PRKN: variants seen among roughly 807,000 people sequenced by gnomAD.
PRKN encodes parkin RBR E3 ubiquitin protein ligase.
Under a neutral mutation model 59.5 loss-of-function variants are expected in PRKN, and 56 were observed. That is an observed-to-expected ratio of 0.94 (90% CI 0.76 to 1.18). The LOEUF (loss-of-function observed/expected upper bound fraction) is 1.18. Ranked by LOEUF, PRKN falls within the 50% of genes most tolerant of loss-of-function variation. The pLI is 0.00. For missense variants in PRKN, 657 were observed against 596.4 expected, an observed-to-expected ratio of 1.10 and a Z score of -1.06; for synonymous variants, 250 against 222.1, an observed-to-expected ratio of 1.13 and a Z score of -1.12.
intron 3 of PRKN, among the ~76,000 whole-genome samples, chr6:162,257,887 C>CA: frequency 6.6e-6 from 1 of 152,212 alleles, no homozygotes; most frequent in East Asian, 1.9e-4. Context: ...GTTCAAAAGT[C>CA]AAATTTTCTC....
At chr6:162,708,826 G>T (rs973674753) in intron 1 of PRKN, among the ~76,000 whole-genome samples, 8 of 152,024 alleles carry the variant, frequency 5.3e-5, no homozygotes, top group African/African-American at 1.9e-4. Flanking sequence ...CCCCCAAGCC[G>T]CAGGCCATAG....
chr6:162,144,912 A>C (rs1781956881), intron 4 of PRKN, among the ~76,000 whole-genome samples: 1 of 152,180 alleles, frequency 6.6e-6, no homozygotes, highest in African/African-American at 2.4e-5. Flanking sequence ...GGCCTAGTAC[A>C]TTAAGGGATG....
intron 1 of PRKN, among the ~76,000 whole-genome samples, chr6:162,461,826 A>G (rs1162928744): frequency 9.0e-6 from 1 of 111,110 alleles, no homozygotes; most frequent in East Asian, 4.5e-4. Flanking sequence ...ACTTCGTCTA[A>G]AAAAAAAAAA....
chr6:161,946,414 A>ACACACACACACACACACACACACACTCT (rs1247187053), intron 6 of PRKN, among the ~76,000 whole-genome samples: 4 of 114,448 alleles, frequency 3.5e-5, no homozygotes, highest in Middle Eastern at 4.6e-3. Context: ...ACACACACAC[A>ACACACACACACACACACACACACACTCT]CTCTCTCTCT....
At chr6:162,486,906 C>A (rs544734472) in intron 1 of PRKN, among the ~76,000 whole-genome samples, 1 of 152,016 alleles carries the variant, frequency 6.6e-6, no homozygotes, top group African/African-American at 2.4e-5. Context: ...CCCATCTCTA[C>A]TAAAAACACA....
chr6:162,561,206 T>C (rs1370030285), intron 1 of PRKN, among the ~76,000 whole-genome samples: 1 of 152,192 alleles, frequency 6.6e-6, no homozygotes, highest in East Asian at 1.9e-4. Context: ...ATTAAGGGGC[T>C]TGGGCTTTAT....
At chr6:162,069,848 TA>T (rs1480570170) in intron 4 of PRKN, among the ~76,000 whole-genome samples, 1 of 152,232 alleles carries the variant, frequency 6.6e-6, no homozygotes. Context: ...CTGATTTTGA[TA>T]TTATATGAAT....
chr6:161,419,028 A>C lies in PRKN; in HGVS notation c.1084-32151T>G, dbSNP rs1787971646. ...TGAGGCAGTAAAGCGAGTCTCTGAA[A>C]ATACGTTGGATGTAAACACATCGTT... is the stretch of plus-strand genomic sequence containing the variant. On this transcript the variant is annotated intron_variant, in intron 9 of 11. Coordinates refer to ENST00000366898, the MANE Select transcript of PRKN (RefSeq NM_004562.3). This position sits in a 1 kb window ranked among gnomAD's most constrained non-coding sequence, Gnocchi z 4.1. Among the ~76,000 whole-genome samples the C allele has an allele frequency of 1.3e-5, 2 of 152,254 alleles. No homozygotes were observed. Among genetic ancestry groups the C allele is most frequent in the South Asian group, 2.1e-4 (1 of 4,836 alleles).
intron 4 of PRKN, among the ~76,000 whole-genome samples, chr6:162,146,128 T>G (rs1562540064): frequency 6.6e-6 from 1 of 152,184 alleles, no homozygotes; most frequent in Non-Finnish European, 1.5e-5. Context: ...TTAGGATCCC[T>G]GCCTCCAGAC....
chr6:161,890,594 T>C (rs1039272976), intron 6 of PRKN, among the ~76,000 whole-genome samples: 3 of 152,184 alleles, frequency 2.0e-5, no homozygotes, highest in African/African-American at 7.2e-5. Context: ...GGATGCTGTC[T>C]CAGATCTAAT....
Position 162,066,003 on chromosome 6 carries a change from C to T in PRKN, c.535-11829G>A, listed in dbSNP as rs186800851. ...CATTTGGGTTGGTTCCAAGTCTTTGCTATTGTGAATAGTGCTGTAATAAAC... is the reference window on the plus strand; with the variant it reads ...CATTTGGGTTGGTTCCAAGTCTTTGTTATTGTGAATAGTGCTGTAATAAAC... On this transcript the variant is annotated intron_variant, in intron 4 of 11. Transcript: ENST00000366898. Among the ~76,000 whole-genome samples, 177 of 152,232 alleles carry T rather than the reference C, an allele frequency of 1.2e-3. 1 individual carries two copies. The highest frequency in any genetic ancestry group is 3.9e-3 in the African/African-American group (163 of 41,534).
intron 4 of PRKN, among the ~76,000 whole-genome samples, chr6:162,153,771 T>A (rs1782378773): frequency 6.6e-6 from 1 of 152,050 alleles, no homozygotes; most frequent in South Asian, 2.1e-4. Flanking sequence ...CCAGGTTGCC[T>A]CTCTATGACA....
Position 161,446,387 on chromosome 6 carries a change from A to C in PRKN, c.1084-59510T>G, listed in dbSNP as rs12154057. ...AACTGGGAGATGCCAGCAGACACTGAGACCCAAAGGGGCCTGGCTTGGGAC... is the reference window on the plus strand; with the variant it reads ...AACTGGGAGATGCCAGCAGACACTGCGACCCAAAGGGGCCTGGCTTGGGAC... On this transcript the variant is annotated intron_variant, in intron 9 of 11. Coordinates refer to ENST00000366898, the MANE Select transcript of PRKN (RefSeq NM_004562.3). The surrounding 1 kb of genome is among the most constrained non-coding windows in gnomAD (Gnocchi z 6.2). Among the ~76,000 whole-genome samples, 62,878 of 151,808 alleles carry C rather than the reference A, an allele frequency of 0.41. 13,999 individuals are homozygous for C. The highest frequency in any genetic ancestry group is 0.57 in the African/African-American group (23,522 of 41,334).
chr6:162,317,763 C>G (rs1782813056), intron 2 of PRKN, among the ~76,000 whole-genome samples: 1 of 151,960 alleles, frequency 6.6e-6, no homozygotes, highest in Admixed American at 6.6e-5. Flanking sequence ...CGAGATACAT[C>G]CCATTCACCT....
chr6:162,185,222 C>T (rs1356843499), intron 4 of PRKN, among the ~76,000 whole-genome samples: 2 of 152,054 alleles, frequency 1.3e-5, no homozygotes, highest in Admixed American at 6.6e-5. Flanking sequence ...AAGTTCAATA[C>T]AATGCATAGC....
chr6:162,626,308 G>A (rs1407660312), intron 1 of PRKN, among the ~76,000 whole-genome samples: 2 of 152,158 alleles, frequency 1.3e-5, no homozygotes, highest in East Asian at 1.9e-4. Context: ...GGTAGAGAAT[G>A]ACTGTGCTAT....
intron 1 of PRKN, among the ~76,000 whole-genome samples, chr6:162,501,506 C>T (rs1291734721): frequency 1.6e-4 from 23 of 139,874 alleles, no homozygotes; most frequent in Non-Finnish European, 3.1e-5. Context: ...TGCCACCACG[C>T]CTGGTTAATT....
chr6:162,130,389 TAC>T (rs139079214), intron 4 of PRKN, among the ~76,000 whole-genome samples: 6 of 151,378 alleles, frequency 4.0e-5, no homozygotes, highest in African/African-American at 9.7e-5. Context: ...AACAACTGTA[TAC>T]ACACACACAC....
At chr6:161,978,610 A>G (rs1781142880) in intron 5 of PRKN, among the ~76,000 whole-genome samples, 1 of 152,242 alleles carries the variant, frequency 6.6e-6, no homozygotes, top group Non-Finnish European at 1.5e-5. Context: ...CAGTTTAAAA[A>G]ATTAAAAAAG....
Sources: gnomAD v4.1 joint callset for allele counts (sites outside exome capture counted in the v4.1 genomes callset) on GRCh38, gnomAD v4.1.1 for gene constraint, Gnocchi (gnomAD v3.1) non-coding constraint, MANE v1.5 for transcripts, NCBI Gene and HGNC (gene_info 2026-07-23, HGNC 2026-07-21) for gene names.